Variants in CPNE8 observed in about 807,000 individuals in gnomAD.
CPNE8 encodes copine-8.
Under a neutral mutation model 81.5 loss-of-function variants are expected in CPNE8, and 45 were observed. The observed-to-expected ratio is 0.55, with a 90% CI of 0.44 to 0.71. The LOEUF (loss-of-function observed/expected upper bound fraction) is 0.71. Ranked by LOEUF, CPNE8 falls within the 30% of genes least tolerant of loss-of-function variation. The pLI is 0.00. For missense variants in CPNE8, 594 were observed against 672.1 expected (o/e 0.88, Z 1.28); for synonymous variants, 252 against 226.3 (o/e 1.11, Z -1.02).
intron 1 of CPNE8, among the ~76,000 whole-genome samples, chr12:38,880,095 C>T (rs1469662737): frequency 3.3e-5 from 5 of 152,282 alleles, no homozygotes; most frequent in South Asian, 4.1e-4. Context: ...CCAAACAATG[C>T]TTTATCATTT....
intron 6 of CPNE8, among the ~76,000 whole-genome samples, chr12:38,824,974 A>G (rs1260757359): frequency 1.3e-5 from 2 of 152,192 alleles, no homozygotes; most frequent in African/African-American, 2.4e-5. Context: ...CTGTCCTACA[A>G]TGTTATCTTT....
At position 38,700,239 on chromosome 12, in the gene CPNE8, C is replaced by CTT. The variant is rs34234420; in HGVS notation, c.961+2634_961+2635dup. ...CCTCATCAGATTAGGAAGTCCCCTT[C>CTT]TTTTTTTTTTTTTTTTTGAGATGGA... is the stretch of plus-strand genomic sequence containing the variant. On this transcript the variant is annotated intron_variant, in intron 14 of 19. Transcript: ENST00000331366. Among the ~76,000 whole-genome samples, 520 of 131,154 alleles carry CTT rather than the reference C, an allele frequency of 4.0e-3. 7 individuals carry two copies. Among genetic ancestry groups the CTT allele is most frequent in the East Asian group, 0.021 (90 of 4,386 alleles). The allele number at this position is 131,154 out of a possible 152,430, so 86.0% of individuals were successfully genotyped here.
intron 6 of CPNE8, among the ~76,000 whole-genome samples, chr12:38,793,641 C>A (rs370001706): frequency 6.6e-6 from 1 of 151,984 alleles, no homozygotes; most frequent in South Asian, 2.1e-4. Flanking sequence ...ATCCATATTA[C>A]CCAAAGTGGC....
chr12:38,880,478 T>C (rs1171857199), intron 1 of CPNE8, among the ~76,000 whole-genome samples: 1 of 152,152 alleles, frequency 6.6e-6, no homozygotes, highest in Non-Finnish European at 1.5e-5. Flanking sequence ...AATCTAGCAT[T>C]TGGGGCCTTT....
At chr12:38,803,743 T>G (rs1381699390) in intron 6 of CPNE8, among the ~76,000 whole-genome samples, 2 of 146,662 alleles carry the variant, frequency 1.4e-5, no homozygotes, top group Non-Finnish European at 3.0e-5. Context: ...ACGACATGAT[T>G]GTTTATCTAG....
chr12:38,787,694 C>A (rs1942227606), intron 6 of CPNE8, among the ~76,000 whole-genome samples: 1 of 151,316 alleles, frequency 6.6e-6, no homozygotes, highest in Non-Finnish European at 1.5e-5. Flanking sequence ...AATCAACAAA[C>A]CTTTAGGCAG....
At chr12:38,863,276 G>A (rs1943868074) in intron 3 of CPNE8, among the ~76,000 whole-genome samples, 1 of 152,138 alleles carries the variant, frequency 6.6e-6, no homozygotes, top group Non-Finnish European at 1.5e-5. Context: ...AAAACTAACA[G>A]AAGAAATTGA....
intron 10 of CPNE8, among the ~76,000 whole-genome samples, chr12:38,731,934 GT>G (rs375565381): frequency 5.3e-5 from 8 of 150,956 alleles, no homozygotes; most frequent in Non-Finnish European, 1.0e-4. Flanking sequence ...AATTATGAAG[GT>G]TTTTTTTTAG....
intron 6 of CPNE8, among the ~76,000 whole-genome samples, chr12:38,808,017 G>T (rs1046412030): frequency 7.9e-5 from 12 of 152,008 alleles, no homozygotes; most frequent in African/African-American, 2.7e-4. Context: ...CATCATCACT[G>T]GCCATCAGAG....
intron 6 of CPNE8, among the ~76,000 whole-genome samples, chr12:38,788,349 A>T (rs1942245984): frequency 6.6e-6 from 1 of 151,832 alleles, no homozygotes; most frequent in Non-Finnish European, 1.5e-5. Flanking sequence ...TCAACAAAAT[A>T]AAGACCAAAA....
At chr12:38,732,220 A>C (rs543564762) in intron 10 of CPNE8, among the ~76,000 whole-genome samples, 40 of 152,068 alleles carry the variant, frequency 2.6e-4, no homozygotes, top group Non-Finnish European at 4.7e-4. Context: ...CTTAATTGTT[A>C]ACACTTAATT....
At chr12:38,803,590 A>C (rs1018105022) in intron 6 of CPNE8, among the ~76,000 whole-genome samples, 3 of 140,904 alleles carry the variant, frequency 2.1e-5, no homozygotes, top group Admixed American at 7.3e-5. Flanking sequence ...CCCTTTGAAA[A>C]CTGGCACAAG....
intron 19 of CPNE8, among the ~76,000 whole-genome samples, chr12:38,655,973 G>GAA (rs5797586): frequency 0.011 from 1,571 of 145,502 alleles, 11 homozygotes; most frequent in Non-Finnish European, 0.013. Context: ...CTAAGGATGT[G>GAA]AAAAAAAAAA....
chr12:38,829,575 A>G, intron 5 of CPNE8, 120 bp from the exon 6 acceptor site: 1 of 687,794 alleles, frequency 1.5e-6, no homozygotes, highest in Admixed American at 2.4e-5. Flanking sequence ...CTAACTTCCA[A>G]CAATAAGTAA....
chr12:38,830,062 T>C (rs1039204108), intron 5 of CPNE8, among the ~76,000 whole-genome samples: 5 of 152,106 alleles, frequency 3.3e-5, no homozygotes, highest in African/African-American at 1.2e-4. Context: ...TACTAGCATA[T>C]TGTAAGTGCC....
intron 19 of CPNE8, among the ~76,000 whole-genome samples, chr12:38,655,332 G>A (rs59143762): frequency 0.047 from 7,138 of 152,148 alleles, 395 homozygotes; most frequent in East Asian, 0.32. Flanking sequence ...ACACTGTGCT[G>A]TTTGAGGGCA....
rs1210512358 is a variant in CPNE8, at chr12:38,829,887, A to G, written c.331-432T>C. Reference sequence around the variant, plus strand: ...AAGGTCATGTGATGCAGTAGCCTCAACTAGGGTCCACAGCCAACCTGCCAG... The same window carrying G: ...AAGGTCATGTGATGCAGTAGCCTCAGCTAGGGTCCACAGCCAACCTGCCAG... On this transcript the variant is annotated intron_variant, in intron 5 of 19. Transcript: ENST00000331366. 5.3e-5 allele frequency among the ~76,000 whole-genome samples: 8 copies of G among 152,336 alleles called. No homozygotes were observed. The East Asian group carries it at 1.2e-3, about 22-fold the overall frequency.
At chr12:38,717,427 G>GTACATATATATATATA (rs1491219731) in intron 13 of CPNE8, among the ~76,000 whole-genome samples, 1 of 69,728 alleles carries the variant, frequency 1.4e-5, no homozygotes, top group African/African-American at 5.7e-5. Flanking sequence ...AGAAAGTGTG[G>GTACATATATATATATA]TGTATATATA....
intron 5 of CPNE8, among the ~76,000 whole-genome samples, chr12:38,830,453 A>G (rs1943267366): frequency 6.6e-6 from 1 of 152,198 alleles, no homozygotes; most frequent in African/African-American, 2.4e-5. Context: ...TCATATATCT[A>G]TAAAATAAGG....
Sources: allele counts gnomAD v4.1 joint callset (sites outside exome capture counted in the v4.1 genomes callset), GRCh38; gene constraint gnomAD v4.1.1; transcripts MANE v1.5; gene names NCBI Gene and HGNC (gene_info 2026-07-23, HGNC 2026-07-21).